The following TPGS2 variants were observed in gnomAD, a reference collection of about 807,000 sequenced individuals.
TPGS2 encodes the protein tubulin polyglutamylase complex subunit 2, also known as polyglutamylase subunit 2.
TPGS2 carries 26 observed loss-of-function variants against 31.1 expected under a neutral mutation model. The observed-to-expected ratio is 0.84, with a 90% CI of 0.61 to 1.16. The LOEUF is 1.16. TPGS2 is among the 50% of genes most tolerant of loss of function. TPGS2 has a pLI of 0.00. For synonymous variants in TPGS2, 130 were observed against 136.6 expected (o/e 0.95, Z 0.34); for missense variants, 351 against 363.8 (o/e 0.96, Z 0.29).
chr18:36,807,906 A>C lies in TPGS2; in HGVS notation c.194T>G (p.Val65Gly). 3.1e-6 allele frequency: 5 copies of C among 1,614,186 alleles called. No homozygotes were observed. The highest frequency in any genetic ancestry group is 4.2e-6 in the Non-Finnish European group (5 of 1,180,036). The change falls in exon 3 of 7, where the codon GTG becomes GGG. Residue 65 changes from valine (V) to glycine (G), a missense_variant. Coordinates refer to ENST00000334295, the MANE Select transcript of TPGS2 (RefSeq NM_015476.4). ...ATTGGTCATCAGGTAAAAGTTCTTC[A>C]CATCTTCAGGCATCACACAGTTATT... The part of the protein sequence containing the change: ...QKNNCVMPED[V>G]KNFYLMTNGF...
intron 4 of TPGS2, among the ~76,000 whole-genome samples, chr18:36,803,112 A>G (rs1054231661): frequency 6.6e-6 from 1 of 152,082 alleles, no homozygotes; most frequent in Non-Finnish European, 1.5e-5. Flanking sequence ...TACCACTAGT[A>G]TTTATCATTT....
At chr18:36,819,076 A>C (rs1449878965) in intron 1 of TPGS2, 103 bp from the exon 2 acceptor site, 2 of 929,396 alleles carry the variant, frequency 2.2e-6, no homozygotes, top group Non-Finnish European at 3.4e-6. Flanking sequence ...AAGAACATCC[A>C]ATCCTTCTCA....
At chr18:36,789,623 A>G (rs1055767863), downstream of TPGS2, 4 of 152,196 alleles carry the variant, frequency 2.6e-5, no homozygotes, top group Admixed American at 2.0e-4. Context: ...TGATCAAACA[A>G]TGTCTAAGAA....
At chr18:36,800,847 G>A (rs1423122768) in intron 4 of TPGS2, among the ~76,000 whole-genome samples, 6 of 152,030 alleles carry the variant, frequency 3.9e-5, no homozygotes, top group African/African-American at 1.2e-4. Context: ...GTGCCACCAC[G>A]CCTGGCTAAT....
intron 2 of TPGS2, 163 bp downstream of exon 2, chr18:36,818,731 G>T: frequency 1.7e-6 from 1 of 582,290 alleles, no homozygotes; most frequent in Non-Finnish European, 3.0e-6. Flanking sequence ...TAGAATGAAA[G>T]GAACTGTTAA....
At chr18:36,823,622 G>A (rs1413094823) in intron 1 of TPGS2, among the ~76,000 whole-genome samples, 17 of 151,068 alleles carry the variant, frequency 1.1e-4, no homozygotes, top group African/African-American at 4.1e-4. Flanking sequence ...TACCACGCCC[G>A]GCTAATTTTT....
At position 36,828,583 on chromosome 18, in the gene TPGS2, G is replaced by C. The variant is rs2046310456; in HGVS notation, c.85+100C>G. 3.7e-6 allele frequency: 5 copies of C among 1,343,870 alleles called. No individual in the cohort carries two copies. In the East Asian group the frequency reaches 1.2e-4, roughly 32 times the overall value. 83.2% of individuals were successfully genotyped at this position (1,343,870 alleles called of 1,614,324 possible). On this transcript the variant is annotated intron_variant, in intron 1 of 6. Transcript: ENST00000334295. The stretch of plus-strand genomic sequence containing the variant: ...AGTCCCAGCAGCGATGTCCACTCCT[G>C]TTCTGGGGCCAGCGTCGCACCGCTC...
At chr18:36,813,921 T>C (rs573518323) in intron 2 of TPGS2, among the ~76,000 whole-genome samples, 15 of 152,278 alleles carry the variant, frequency 9.9e-5, no homozygotes, top group African/African-American at 3.4e-4. Flanking sequence ...CGCAGGATGA[T>C]TTCTTCTACT....
In TPGS2 at chr18:36,798,561, C is replaced by A. The variant is rs1485096768; in HGVS notation, c.545G>T (p.Trp182Leu). The A allele has an allele frequency of 1.9e-6, 3 of 1,614,076 alleles. No homozygotes were observed. In the African/African-American group the frequency reaches 4.0e-5, roughly 22 times the overall value. The change falls in exon 6 of 7, where the codon TGG (tryptophan) becomes TTG (leucine). Residue 182 changes from tryptophan (W) to leucine (L), a missense_variant. Physicochemically the swap from Trp to Leu is moderately conservative, Grantham distance 61 (BLOSUM62 -2). Coordinates refer to ENST00000334295, the MANE Select transcript of TPGS2 (RefSeq NM_015476.4). ...EIWFLDRALY[W>L]HFLTDTFTAY... ...AGTAAAGGTGTCTGTGAGAAAATGC[C>A]AGTATAACGCTCTGTCCAGGAACCA...
At chr18:36,783,998 G>A (rs1014061423) in intron 6 of TPGS2, among the ~76,000 whole-genome samples, 8 of 152,126 alleles carry the variant, frequency 5.3e-5, no homozygotes, top group African/African-American at 1.7e-4. Context: ...CGAAATTGGA[G>A]TGACATGGCC....
At chr18:36,789,970 T>C (rs2044251659), downstream of TPGS2, 1 of 152,724 alleles carries the variant, frequency 6.5e-6, no homozygotes, top group Non-Finnish European at 1.5e-5. Context: ...CTTGGGTATG[T>C]CTTTATCAGC....
Position 36,798,606 on chromosome 18 carries a change from A to G in TPGS2, c.500T>C (p.Leu167Ser). The change falls in exon 6 of 7, where the codon TTA becomes TCA. Residue 167 changes from leucine (L) to serine (S), a missense_variant. Coordinates refer to ENST00000334295, the MANE Select transcript of TPGS2 (RefSeq NM_015476.4). ...GAACCAGATCTCAGTGTCTTCTGCT[A>G]ATGCTGAAGTAGAAGACAAAGGAAG... ...CLVYKSGKPALAEDTEIWFLD... is the reference protein window; with the variant it reads ...CLVYKSGKPASAEDTEIWFLD... The G allele has an allele frequency of 6.2e-7, 1 of 1,613,030 alleles. No homozygotes were observed.
At chr18:36,801,594 A>G (rs1336764752) in intron 4 of TPGS2, among the ~76,000 whole-genome samples, 1 of 152,122 alleles carries the variant, frequency 6.6e-6, no homozygotes, top group Non-Finnish European at 1.5e-5. Flanking sequence ...TCAGCCTCCT[A>G]AAGTGCTGGG....
At chr18:36,787,450 A>G (rs935390715) in intron 6 of TPGS2, among the ~76,000 whole-genome samples, 4 of 152,216 alleles carry the variant, frequency 2.6e-5, no homozygotes, top group Non-Finnish European at 4.4e-5. Context: ...GGGCAGGGCA[A>G]TGGGCTAGGA....
Position 36,828,861 on chromosome 18 carries a change from T to A in TPGS2, c.-94A>T. On this transcript the variant is annotated 5_prime_UTR_variant, in exon 1 of 7. Transcript: ENST00000334295. ...CAATTTCATGGCATGCCGGGAACGG[T>A]AGTTCTCGGCGCCTGAAAGCGCGGC... 6.9e-7 allele frequency: 1 copy of A among 1,455,676 alleles called. No individual in the cohort carries two copies. Among genetic ancestry groups the A allele is most frequent in the Non-Finnish European group, 9.4e-7 (1 of 1,063,694 alleles). 90.2% of individuals were successfully genotyped at this position (1,455,676 alleles called of 1,614,324 possible).
downstream of TPGS2, among the ~76,000 whole-genome samples, chr18:36,791,891 C>G (rs1482948228): frequency 6.6e-6 from 1 of 151,810 alleles, no homozygotes; most frequent in East Asian, 1.9e-4. Context: ...AAATATTAAC[C>G]AGGTGGCGTG....
downstream of TPGS2, chr18:36,781,951 A>G (rs970133538): frequency 1.0e-6 from 1 of 983,964 alleles, no homozygotes; most frequent in Non-Finnish European, 1.2e-6. Context: ...TAGGGTATTA[A>G]TAGTCATTTT....
rs576172334 is a variant in TPGS2, at chr18:36,815,097, C to T, written c.165+3797G>A. ...AGGCTGGGCTCTAAATGAGGTGTCT[C>T]CAAGGAGACAGGCCTCTAGGGTCAG... On this transcript the variant is annotated intron_variant, in intron 2 of 6. Coordinates refer to ENST00000334295, the MANE Select transcript of TPGS2 (RefSeq NM_015476.4). Among the ~76,000 whole-genome samples, 5 of 152,304 alleles carry T rather than the reference C, an allele frequency of 3.3e-5. No homozygotes were observed. The South Asian group carries it at 1.0e-3, about 32-fold the overall frequency.
Position 36,796,111 on chromosome 18 carries a change from T to G in TPGS2, c.*694A>C, listed in dbSNP as rs1215608519. On this transcript the variant is annotated 3_prime_UTR_variant, in exon 7 of 7. Transcript: ENST00000334295. ...ACTTTATAGGAAGCTGCAAAAGAAA[T>G]GAGCAGAGCGAGATATTTGTGGTAA... The G allele has an allele frequency of 7.1e-6, 7 of 985,232 alleles. No individual in the cohort carries two copies. The highest frequency in any genetic ancestry group is 6.0e-6 in the Non-Finnish European group (5 of 829,938). 61.0% of individuals were successfully genotyped at this position (985,232 alleles called of 1,614,324 possible).
Sources: gnomAD v4.1 joint callset for allele counts (sites outside exome capture counted in the v4.1 genomes callset) on GRCh38, gnomAD v4.1.1 for gene constraint, MANE v1.5 for transcripts, NCBI Gene and HGNC (gene_info 2026-07-23, HGNC 2026-07-21) for gene names.